WNK1: variants seen among roughly 807,000 people sequenced by gnomAD.
WNK1 encodes the protein WNK lysine deficient protein kinase 1, also known as serine/threonine-protein kinase WNK1.
Under a neutral mutation model 222.8 loss-of-function variants are expected in WNK1, and 38 were observed. That is an observed-to-expected ratio of 0.17 (90% CI 0.13 to 0.22). WNK1 has a LOEUF of 0.22. Among genes scored for constraint, WNK1 ranks in the 10% least tolerant of loss-of-function variants. The pLI is 1.00. For synonymous variants in WNK1, 1,090 were observed against 1,092.9 expected (o/e 1.00, Z 0.05); for missense variants, 2,348 against 2,918.4 (o/e 0.80, Z 4.50).
rs1045146315 is a variant in WNK1 at position 911,352 on chromosome 12, G to T, written c.*2560G>T. 2.5e-6 allele frequency: 1 copy of T among 398,296 alleles called. No homozygotes were observed. The highest frequency in any genetic ancestry group is 4.4e-5 in the Admixed American group (1 of 22,702). The allele number at this position is 398,296 out of a possible 1,614,324, so 24.7% of individuals were successfully genotyped here. Reference sequence around the variant, plus strand: ...ATTGTACATTTTGCACTAACTCTGGGTGTTGCGCTTCTTGTAAGATTGCGC... The same window carrying T: ...ATTGTACATTTTGCACTAACTCTGGTTGTTGCGCTTCTTGTAAGATTGCGC... On this transcript the variant is annotated 3_prime_UTR_variant, in exon 28 of 28. Transcript: ENST00000315939.
chr12:791,795 T>C (rs12310389), intron 1 of WNK1, among the ~76,000 whole-genome samples: 8,255 of 152,180 alleles, frequency 0.054, 432 homozygotes, highest in African/African-American at 0.12. Context: ...TCTCTAATCT[T>C]AAATTGGGGG....
intron 9 of WNK1, among the ~76,000 whole-genome samples, chr12:875,899 C>T (rs1592132173): frequency 6.6e-6 from 1 of 152,120 alleles, no homozygotes; most frequent in African/African-American, 2.4e-5. Context: ...ATAGATATCT[C>T]ATTCACATTC....
chr12:900,713 A>G, intron 26 of WNK1, 43 bp downstream of exon 26: 1 of 1,612,070 alleles, frequency 6.2e-7, no homozygotes, highest in African/African-American at 1.3e-5. Flanking sequence ...TAAAATGGAG[A>G]TGTTGCCATA....
rs397957357 is a variant in WNK1, at chr12:758,373, C to CTTTTTTTTTTTT, written c.759+4063_759+4074dup. 2.9e-4 allele frequency among the ~76,000 whole-genome samples: 19 copies of CTTTTTTTTTTTT among 64,728 alleles called. 1 individual carries two copies. The highest frequency in any genetic ancestry group is 5.0e-4 in the East Asian group (1 of 1,998). 42.5% of individuals were successfully genotyped at this position (64,728 alleles called of 152,430 possible). A position where few individuals can be genotyped will look rare whatever the true frequency, so the allele number is the denominator to read the frequency against. Reference sequence around the variant, plus strand: ...CATCATTTATTTCTTTGCTATAGTTCTTTTTTTTTTTTTTTTTTTTTTTTT... The same window carrying CTTTTTTTTTTTT: ...CATCATTTATTTCTTTGCTATAGTTCTTTTTTTTTTTTTTTTTTTTTTTTTTTTTTTTTTTTT... On this transcript the variant is annotated intron_variant, in intron 1 of 27. Transcript: ENST00000315939.
intron 1 of WNK1, among the ~76,000 whole-genome samples, chr12:784,751 A>G (rs1307486159): frequency 1.3e-5 from 2 of 152,134 alleles, no homozygotes; most frequent in Admixed American, 6.6e-5. Context: ...CACCATTTGT[A>G]CTGGTTGCAT....
intron 4 of WNK1, among the ~76,000 whole-genome samples, chr12:849,891 A>G (rs1273387051): frequency 6.6e-6 from 1 of 152,206 alleles, no homozygotes; most frequent in East Asian, 1.9e-4. Context: ...TACAAAGGAC[A>G]TGAACTCATC....
intron 1 of WNK1, among the ~76,000 whole-genome samples, chr12:798,428 G>A (rs1435650745): frequency 3.3e-5 from 5 of 152,084 alleles, no homozygotes; most frequent in South Asian, 4.1e-4. Flanking sequence ...TCCTGACCTC[G>A]TGATCTGCCC....
chr12:908,861 G>GGGGGGGGGGGGGGGGGCCCC lies in WNK1; in HGVS notation c.*69_*70insGGGGGGGGGGGGGGGGCCCC. 2.0e-6 allele frequency: 1 copy of GGGGGGGGGGGGGGGGGCCCC among 491,846 alleles called. No homozygotes were observed. The highest frequency in any genetic ancestry group is 6.0e-5 in the East Asian group (1 of 16,748). 30.5% of individuals were successfully genotyped at this position (491,846 alleles called of 1,614,324 possible). A position where few individuals can be genotyped will look rare whatever the true frequency, so the allele number is the denominator to read the frequency against. ...ATGCTGAGGGGGTGGGTGGGGGTGG[G>GGGGGGGGGGGGGGGGGCCCC]AAGTAGCCTATATACTAACTACTAG... On this transcript the variant is annotated 3_prime_UTR_variant, in exon 28 of 28. Coordinates refer to ENST00000315939, the MANE Select transcript of WNK1 (RefSeq NM_018979.4).
chr12:891,614 T>C (rs1292210267), intron 22 of WNK1, among the ~76,000 whole-genome samples: 2 of 150,924 alleles, frequency 1.3e-5, no homozygotes, highest in African/African-American at 4.8e-5. Flanking sequence ...TTTTTTTTTT[T>C]TTTTTAGTTT....
At chr12:771,208 A>G (rs1591625175) in intron 1 of WNK1, among the ~76,000 whole-genome samples, 2 of 151,864 alleles carry the variant, frequency 1.3e-5, no homozygotes, top group Admixed American at 1.3e-4. Flanking sequence ...CGTGTTAGCC[A>G]GGATGGTCTC....
chr12:898,560 G>T (rs1175448908), intron 25 of WNK1, among the ~76,000 whole-genome samples: 2 of 150,910 alleles, frequency 1.3e-5, no homozygotes, highest in African/African-American at 4.9e-5. Context: ...TTGTAATGTA[G>T]TATATATATA....
At chr12:900,016 CTTTTTT>C (rs11433731) in intron 25 of WNK1, among the ~76,000 whole-genome samples, 2 of 119,642 alleles carry the variant, frequency 1.7e-5, no homozygotes, top group South Asian at 2.6e-4. Flanking sequence ...GGATTCTTTT[CTTTTTT>C]TTTTTTTTTT....
chr12:886,065 C>A lies in WNK1; in HGVS notation c.5261C>A (p.Pro1754Gln). The A allele has an allele frequency of 2.5e-6, 4 of 1,606,310 alleles. No individual in the cohort carries two copies. Among genetic ancestry groups the A allele is most frequent in the Non-Finnish European group, 3.4e-6 (4 of 1,177,916 alleles). ...GVKPGTAPSK[P>Q]PLTKAPVLPV... ...AAACCTGGAACTGCTCCCTCCAAGC[C>A]ACCTCTAACTAAGGCTCCGGTAAAA... Residue 1754 changes from proline to glutamine, a missense_variant, in exon 19 of 28, where the codon CCA becomes CAA. Coordinates refer to ENST00000315939, the MANE Select transcript of WNK1 (RefSeq NM_018979.4).
chr12:869,267 G>A, intron 8 of WNK1: 2 of 978,364 alleles, frequency 2.0e-6, no homozygotes, highest in Non-Finnish European at 3.1e-6. Context: ...CTACATATAT[G>A]CATTTAAAAA....
intron 6 of WNK1, among the ~76,000 whole-genome samples, chr12:860,556 G>A (rs1461595597): frequency 6.6e-6 from 1 of 152,152 alleles, no homozygotes; most frequent in African/African-American, 2.4e-5. Context: ...TTTTTTGGAG[G>A]GGAGGAGCAG....
Position 882,053 on chromosome 12 carries a change from C to G in WNK1, c.3352C>G (p.Pro1118Ala). The G allele has an allele frequency of 6.2e-7, 1 of 1,613,050 alleles. No homozygotes were observed. The highest frequency in any genetic ancestry group is 1.1e-5 in the South Asian group (1 of 90,912). Residue 1118 changes from proline (P) to alanine (A), a missense_variant, in exon 14 of 28, where the codon CCA becomes GCA. Around this residue, in one of 13 missense-constraint regions of WNK1, gnomAD observed 20 missense variants for 65.0 expected, o/e 0.31. Transcript: ENST00000315939. ...CTCTCGACATGAAAAAACTTCACGC[C>G]CAAAATTAAGAATTTTGAATGTAAG... ...SRSRHEKTSR[P>A]KLRILNVSNK...
intron 8 of WNK1, chr12:869,294 C>A: frequency 1.3e-6 from 1 of 756,924 alleles, no homozygotes; most frequent in Non-Finnish European, 2.2e-6. Context: ...GTGAGAGAAG[C>A]TACCTGATTT....
At chr12:831,740 T>C (rs1335922924) in intron 4 of WNK1, among the ~76,000 whole-genome samples, 1 of 152,110 alleles carries the variant, frequency 6.6e-6, no homozygotes, top group Non-Finnish European at 1.5e-5. Flanking sequence ...GTTTACCATC[T>C]GCCACGGTAA....
At chr12:816,417 T>C (rs1409014845) in intron 2 of WNK1, among the ~76,000 whole-genome samples, 1 of 151,816 alleles carries the variant, frequency 6.6e-6, no homozygotes, top group Non-Finnish European at 1.5e-5. Flanking sequence ...CTATAGTTGC[T>C]CACCACCATA....
Sources: allele counts gnomAD v4.1 joint callset (sites outside exome capture counted in the v4.1 genomes callset), GRCh38; gene constraint gnomAD v4.1.1; regional missense constraint gnomAD v4.1.1; transcripts MANE v1.5; gene names NCBI Gene and HGNC (gene_info 2026-07-23, HGNC 2026-07-21).